MRPL13: variants seen among roughly 807,000 people sequenced by gnomAD.
The protein encoded by MRPL13 is mitochondrial ribosomal protein L13, also known as large ribosomal subunit protein uL13m.
MRPL13 carries 33 observed loss-of-function variants against 29.0 expected under a neutral mutation model. The observed-to-expected ratio is 1.14, with a 90% CI of 0.86 to 1.52. The LOEUF (loss-of-function observed/expected upper bound fraction) is 1.52, where lower values mean the gene tolerates loss of function less well. Ranked by LOEUF, MRPL13 falls within the 40% of genes most tolerant of loss-of-function variation. MRPL13 has a pLI of 0.00. For missense variants in MRPL13, 227 were observed against 216.7 expected, an observed-to-expected ratio of 1.05 and a Z score of -0.30; for synonymous variants, 77 against 68.4, an observed-to-expected ratio of 1.13 and a Z score of -0.62.
rs535291218 is a variant in MRPL13 at position 120,417,049 on chromosome 8, C to T, written c.393+2803G>A. 2.0e-5 allele frequency among the ~76,000 whole-genome samples: 3 copies of T among 152,208 alleles called. No individual in the cohort carries two copies. In the South Asian group the frequency reaches 6.2e-4, roughly 32 times the overall value. ...TCTCCTTTTATCGTAAGTTTCCTTG[C>T]CTTTTCTTTAATATTTCAAGAGTCC... is the stretch of plus-strand genomic sequence containing the variant. On this transcript the variant is annotated intron_variant, in intron 5 of 6. Transcript: ENST00000306185.
At chr8:120,405,229 T>C (rs1355009832) in intron 6 of MRPL13, among the ~76,000 whole-genome samples, 1 of 152,214 alleles carries the variant, frequency 6.6e-6, no homozygotes, top group East Asian at 1.9e-4. Flanking sequence ...ACACTAAATA[T>C]GGTTTTACTT....
At chr8:120,405,475 G>A (rs1812655667) in intron 6 of MRPL13, among the ~76,000 whole-genome samples, 1 of 152,194 alleles carries the variant, frequency 6.6e-6, no homozygotes, top group Non-Finnish European at 1.5e-5. Flanking sequence ...ATCCTAACAA[G>A]TTCCCACTTG....
At chr8:120,398,735 G>A (rs1455884033) in intron 6 of MRPL13, among the ~76,000 whole-genome samples, 2 of 152,128 alleles carry the variant, frequency 1.3e-5, no homozygotes, top group Non-Finnish European at 2.9e-5. Flanking sequence ...GTAACCCAAT[G>A]CAAATAAGTT....
intron 6 of MRPL13, among the ~76,000 whole-genome samples, chr8:120,404,372 G>C (rs1812640705): frequency 6.6e-6 from 1 of 152,188 alleles, no homozygotes; most frequent in South Asian, 2.1e-4. Flanking sequence ...GAATTTAGAA[G>C]TAAAATTGAA....
rs1813147873 is a variant in MRPL13 at position 120,443,324 on chromosome 8, A to AG, written c.28-17_28-16insC. ...TGGCCCATTGCTTGGGGGGGAAAAA[A>AG]AAAAAAAAGAAGAGGAAAAAATAAA... On this transcript the variant is annotated splice_polypyrimidine_tract_variant and intron_variant, in intron 1 of 6. Coordinates refer to ENST00000306185, the MANE Select transcript of MRPL13 (RefSeq NM_014078.6). 2 of 1,554,464 alleles carry AG rather than the reference A, an allele frequency of 1.3e-6. No individual in the cohort carries two copies. Among genetic ancestry groups the AG allele is most frequent in the Non-Finnish European group, 1.7e-6 (2 of 1,157,116 alleles).
At chr8:120,438,373 T>C (rs12548799) in intron 2 of MRPL13, among the ~76,000 whole-genome samples, 82,003 of 152,058 alleles carry the variant, frequency 0.54, 24,919 homozygotes, top group Non-Finnish European at 0.67. Context: ...TGCAATTCAG[T>C]CTTTAAAAAG....
At position 120,425,292 on chromosome 8, in the gene MRPL13, T is replaced by C. The variant is rs1297069633; in HGVS notation, c.306+14A>G. ...CTTTCCAAAGATGATTAATAAAAAA[T>C]ACAAGAAACTTACTGCCACTGGATC... is the stretch of plus-strand genomic sequence containing the variant. On this transcript the variant is annotated intron_variant, in intron 4 of 6. Coordinates refer to ENST00000306185, the MANE Select transcript of MRPL13 (RefSeq NM_014078.6). The C allele has an allele frequency of 1.2e-6, 2 of 1,602,844 alleles. No individual in the cohort carries two copies. The highest frequency in any genetic ancestry group is 1.7e-6 in the Non-Finnish European group (2 of 1,170,880).
At chr8:120,441,128 T>C (rs1192674880) in intron 2 of MRPL13, among the ~76,000 whole-genome samples, 1 of 152,060 alleles carries the variant, frequency 6.6e-6, no homozygotes, top group African/African-American at 2.4e-5. Context: ...GTGATGCTAT[T>C]AATTGAGACA....
chr8:120,433,126 G>A (rs577530733), intron 2 of MRPL13, among the ~76,000 whole-genome samples: 5 of 152,084 alleles, frequency 3.3e-5, no homozygotes, highest in African/African-American at 7.2e-5. Context: ...GAAATTCAGA[G>A]GTATGAATGA....
intron 6 of MRPL13, among the ~76,000 whole-genome samples, chr8:120,412,218 T>C (rs979601114): frequency 6.6e-6 from 1 of 152,208 alleles, no homozygotes; most frequent in Non-Finnish European, 1.5e-5. Context: ...AGAACTGTTA[T>C]AGGAAGGTAA....
intron 4 of MRPL13, among the ~76,000 whole-genome samples, chr8:120,424,212 A>C (rs1268144224): frequency 6.6e-6 from 1 of 152,224 alleles, no homozygotes; most frequent in Non-Finnish European, 1.5e-5. Context: ...GGAGATTAAG[A>C]GGATCAGTAC....
intron 3 of MRPL13, among the ~76,000 whole-genome samples, chr8:120,426,726 G>C (rs949897634): frequency 2.0e-5 from 3 of 152,030 alleles, no homozygotes; most frequent in African/African-American, 7.2e-5. Context: ...CTCCAATATG[G>C]GATGGAGTAA....
At chr8:120,416,294 A>T (rs1812802575) in intron 5 of MRPL13, among the ~76,000 whole-genome samples, 1 of 152,106 alleles carries the variant, frequency 6.6e-6, no homozygotes. Context: ...GGAGATCGAG[A>T]CCATCCTGGC....
chr8:120,427,759 T>C (rs1477303585), intron 3 of MRPL13, among the ~76,000 whole-genome samples: 1 of 151,712 alleles, frequency 6.6e-6, no homozygotes, highest in Admixed American at 6.6e-5. Context: ...AGCCCACAAG[T>C]TCAAGACCAG....
intron 2 of MRPL13, among the ~76,000 whole-genome samples, chr8:120,434,748 T>C (rs1563776989): frequency 6.6e-6 from 1 of 152,078 alleles, no homozygotes; most frequent in Non-Finnish European, 1.5e-5. Flanking sequence ...ACCTAGAGTA[T>C]AGGATAACTT....
intron 4 of MRPL13, among the ~76,000 whole-genome samples, chr8:120,421,242 C>T (rs1812871007): frequency 2.6e-5 from 4 of 151,568 alleles, no homozygotes; most frequent in Admixed American, 6.6e-5. Flanking sequence ...AATATAAGGA[C>T]ATAGAACCTC....
intron 2 of MRPL13, among the ~76,000 whole-genome samples, chr8:120,438,218 G>T (rs1247904388): frequency 6.6e-6 from 1 of 152,074 alleles, no homozygotes; most frequent in Non-Finnish European, 1.5e-5. Context: ...AAGAAACTTA[G>T]CTGGGTATGA....
chr8:120,437,330 C>T (rs76318548), intron 2 of MRPL13, among the ~76,000 whole-genome samples: 2,891 of 152,226 alleles, frequency 0.019, 92 homozygotes, highest in African/African-American at 0.067. Context: ...TGTTAGCATT[C>T]ATAGCATTAA....
intron 4 of MRPL13, among the ~76,000 whole-genome samples, chr8:120,420,485 TAA>T (rs1032857509): frequency 4.4e-4 from 65 of 147,536 alleles, no homozygotes; most frequent in African/African-American, 1.5e-3. Flanking sequence ...TAAATATATA[TAA>T]AATATATATA....
Sources: allele counts gnomAD v4.1 joint callset (sites outside exome capture counted in the v4.1 genomes callset), GRCh38; gene constraint gnomAD v4.1.1; transcripts MANE v1.5; gene names NCBI Gene and HGNC (gene_info 2026-07-23, HGNC 2026-07-21).